SLC44A2: variants seen among roughly 807,000 people sequenced by gnomAD.
The protein encoded by SLC44A2 is solute carrier family 44 member 2 (CTL2 blood group).
Under a neutral mutation model 90.8 loss-of-function variants are expected in SLC44A2, and 57 were observed. That is an observed-to-expected ratio of 0.63 (90% CI 0.51 to 0.78). The LOEUF (loss-of-function observed/expected upper bound fraction) is 0.78. Among genes scored for constraint, SLC44A2 ranks in the 30% least tolerant of loss-of-function variants. The pLI, the probability that SLC44A2 is intolerant of heterozygous loss-of-function variation, is 0.00. For synonymous variants in SLC44A2, 355 were observed against 360.7 expected (o/e 0.98, Z 0.18); for missense variants, 794 against 919.7 (o/e 0.86, Z 1.77).
intron 4 of SLC44A2, 26 bp downstream of exon 4, chr19:10,628,030 G>A (rs776847641): frequency 1.9e-6 from 3 of 1,595,670 alleles, no homozygotes; most frequent in Non-Finnish European, 2.6e-6. Context: ...GCGGCCTGGT[G>A]GGGCTGGGGA....
At position 10,631,159 on chromosome 19, in the gene SLC44A2, G is replaced by T. The variant is rs374217702; in HGVS notation, c.330+18G>T. On this transcript the variant is annotated intron_variant, in intron 5 of 21. Coordinates refer to ENST00000335757, the MANE Select transcript of SLC44A2 (RefSeq NM_020428.4). ...CTCCCCAGGTAACCTGGTCCCCACCGTTCCCTTTTTCCTCTCCCCGCTTCC... is the reference window on the plus strand; with the variant it reads ...CTCCCCAGGTAACCTGGTCCCCACCTTTCCCTTTTTCCTCTCCCCGCTTCC... 8.7e-6 allele frequency: 14 copies of T among 1,611,538 alleles called. No individual in the cohort carries two copies. Among genetic ancestry groups the T allele is most frequent in the African/African-American group, 2.7e-5 (2 of 74,782 alleles).
At chr19:10,630,247 A>T (rs2144854731) in intron 4 of SLC44A2, among the ~76,000 whole-genome samples, 1 of 152,188 alleles carries the variant, frequency 6.6e-6, no homozygotes, top group South Asian at 2.1e-4. Flanking sequence ...GCTGCTCAGG[A>T]GGATGAGGTG....
rs141710339 is a variant in SLC44A2, at chr19:10,643,228, C to T, written c.2015-51C>T. 32 of 1,569,536 alleles carry T rather than the reference C, an allele frequency of 2.0e-5. No homozygotes were observed. The African/African-American group carries it at 3.8e-4, about 19-fold the overall frequency. ...ATCCACCTACCCTGTCCTTGAGGCC[C>T]CTGCCCGTGGGCTCCCCTCATGCCT... On this transcript the variant is annotated intron_variant, in intron 21 of 21. Coordinates refer to ENST00000335757, the MANE Select transcript of SLC44A2 (RefSeq NM_020428.4).
intron 4 of SLC44A2, among the ~76,000 whole-genome samples, chr19:10,629,368 C>T (rs2066969154): frequency 6.6e-6 from 1 of 151,272 alleles, no homozygotes; most frequent in Non-Finnish European, 1.5e-5. Flanking sequence ...ACCTCCGTCT[C>T]CCGGGTTCAA....
Position 10,637,963 on chromosome 19 carries a change from C to T in SLC44A2, c.1769+34C>T, listed in dbSNP as rs139577429. 224 of 1,613,856 alleles carry T rather than the reference C, an allele frequency of 1.4e-4. 1 individual carries two copies. In the African/African-American group the frequency reaches 2.5e-3, roughly 18 times the overall value. On this transcript the variant is annotated intron_variant, in intron 18 of 21. Coordinates refer to ENST00000335757, the MANE Select transcript of SLC44A2 (RefSeq NM_020428.4). The stretch of plus-strand genomic sequence containing the variant: ...TCATTATCATCTTCCTCCTGCCACC[C>T]GCCTCTTCCCCTAGTCCCTGAAGCC...
chr19:10,608,280 A>G (rs945951518), intron 1 of SLC44A2, among the ~76,000 whole-genome samples: 1 of 150,086 alleles, frequency 6.7e-6, no homozygotes, highest in East Asian at 2.0e-4. Context: ...TGGCTAGCCT[A>G]GAACTCCTGA....
At chr19:10,635,714 C>T in intron 14 of SLC44A2, 199 bp downstream of exon 14, 1 of 527,438 alleles carries the variant, frequency 1.9e-6, no homozygotes, top group Non-Finnish European at 3.3e-6. Flanking sequence ...CTGGCTTCCT[C>T]TCTTCAACTT....
chr19:10,629,785 G>A (rs759295833), intron 4 of SLC44A2, among the ~76,000 whole-genome samples: 8 of 149,188 alleles, frequency 5.4e-5, no homozygotes, highest in Middle Eastern at 3.4e-3. Flanking sequence ...ACAGAGTCTC[G>A]CTCTGTCGCC....
intron 1 of SLC44A2, among the ~76,000 whole-genome samples, chr19:10,604,570 G>A (rs556480860): frequency 3.3e-5 from 5 of 152,248 alleles, no homozygotes; most frequent in South Asian, 2.1e-4. Context: ...CTTCCCATCC[G>A]TCATGAGTTT....
chr19:10,625,455 C>T (rs2066922095), upstream of SLC44A2: 1 of 1,216,470 alleles, frequency 8.2e-7, no homozygotes, highest in Non-Finnish European at 1.0e-6. Context: ...CTCCCGGGTC[C>T]CTTAGTCTGG....
chr19:10,614,970 C>T (rs977711214), intron 1 of SLC44A2, among the ~76,000 whole-genome samples: 2 of 62,740 alleles, frequency 3.2e-5, no homozygotes, highest in Admixed American at 1.7e-4. Context: ...GACTCCGTCT[C>T]AAAAAAAAAA....
At chr19:10,641,200 CTGGGCAACATGGCAAAA>C (rs1467585508) in intron 20 of SLC44A2, 2 of 348,050 alleles carry the variant, frequency 5.7e-6, no homozygotes, top group Non-Finnish European at 1.1e-5. Flanking sequence ...TGAAAACAGC[CTGGGCAACATGGCAAAA>C]CCCCATCTCC....
chr19:10,634,369 C>G (rs539047141), intron 10 of SLC44A2, among the ~76,000 whole-genome samples: 89 of 150,638 alleles, frequency 5.9e-4, no homozygotes, highest in Non-Finnish European at 1.1e-3. Context: ...GAAGCTGAGG[C>G]AGGAGAATCG....
At position 10,627,771 on chromosome 19, in the gene SLC44A2, G is replaced by A; in HGVS notation, c.136G>A (p.Gly46Ser). The change falls in exon 3 of 22, where the codon GGC (glycine) becomes AGC (serine). Residue 46 changes from glycine to serine, a missense_variant. This residue lies in a region of SLC44A2 where 738 missense variants were observed against 841.1 expected (regional missense o/e 0.88). Coordinates refer to ENST00000335757, the MANE Select transcript of SLC44A2 (RefSeq NM_020428.4). ...TGTGTTCCTGCTCCTGGCCATTGTG[G>A]GCTACGTGGCTGTAGGCATCATAGG... Reference protein sequence around the residue: ...CCVFLLLAIVGYVAVGIIAWT... With the variant: ...CCVFLLLAIVSYVAVGIIAWT... 1 of 1,614,000 alleles carries A rather than the reference G, an allele frequency of 6.2e-7. No homozygotes were observed. The highest frequency in any genetic ancestry group is 8.5e-7 in the Non-Finnish European group (1 of 1,180,026).
rs537314346 is a variant in SLC44A2 at position 10,625,825 on chromosome 19, C to A, written c.37+155C>A. Among the ~76,000 whole-genome samples, 3 of 152,158 alleles carry A rather than the reference C, an allele frequency of 2.0e-5. No homozygotes were observed. The South Asian group carries it at 6.2e-4, about 32-fold the overall frequency. On this transcript the variant is annotated intron_variant, in intron 1 of 21. Transcript: ENST00000335757. ...CCCCACCATCAGCCAGGCCCCTTCA[C>A]CCCACTTATCCCCCGCAGCCTCGCA...
intron 1 of SLC44A2, among the ~76,000 whole-genome samples, chr19:10,604,378 G>T (rs1918041941): frequency 6.6e-6 from 1 of 152,220 alleles, no homozygotes; most frequent in South Asian, 2.1e-4. Context: ...GGCCAAAGGG[G>T]GCATCTGGTT....
At chr19:10,603,290 G>T (rs1011751491) in intron 1 of SLC44A2, among the ~76,000 whole-genome samples, 1 of 152,108 alleles carries the variant, frequency 6.6e-6, no homozygotes, top group Non-Finnish European at 1.5e-5. Context: ...AGCGCCCTGT[G>T]GTGCCGCCCT....
chr19:10,626,940 G>A (rs1311746624), intron 2 of SLC44A2, among the ~76,000 whole-genome samples: 3 of 151,852 alleles, frequency 2.0e-5, no homozygotes, highest in Non-Finnish European at 4.4e-5. Context: ...AATCTGGGAG[G>A]TGGAGGTTGC....
chr19:10,631,578 G>T, intron 7 of SLC44A2, 43 bp downstream of exon 7: 1 of 1,613,966 alleles, frequency 6.2e-7, no homozygotes, highest in East Asian at 2.2e-5. Flanking sequence ...TGACGGGGAG[G>T]CTCTGCAGAG....
Sources: allele counts gnomAD v4.1 joint callset (sites outside exome capture counted in the v4.1 genomes callset), GRCh38; gene constraint gnomAD v4.1.1; regional missense constraint gnomAD v4.1.1; transcripts MANE v1.5; gene names NCBI Gene and HGNC (gene_info 2026-07-23, HGNC 2026-07-21).